The following PPARGC1A variants were observed in gnomAD, a reference collection of about 807,000 sequenced individuals.
PPARGC1A encodes the protein PPARG coactivator 1 alpha.
In PPARGC1A, 25 loss-of-function variants were observed where a neutral mutation model predicts 88.7. The observed-to-expected ratio is 0.28, with a 90% confidence interval of 0.21 to 0.39. The LOEUF is 0.39. Ranked by LOEUF, PPARGC1A falls within the 10% of genes least tolerant of loss-of-function variation. The pLI, the probability that PPARGC1A is intolerant of heterozygous loss-of-function variation, is 1.00. For synonymous variants in PPARGC1A, 363 were observed against 355.6 expected (o/e 1.02, Z -0.24); for missense variants, 880 against 968.7 (o/e 0.91, Z 1.22).
the PPARGC1A span, among the ~76,000 whole-genome samples, chr4:24,027,808 G>T: frequency 6.6e-6 from 1 of 152,078 alleles, no homozygotes; most frequent in African/African-American, 2.4e-5. Flanking sequence ...TGAAGGCTGT[G>T]GATTTTCTCC....
At chr4:24,190,597 T>C in the PPARGC1A span, among the ~76,000 whole-genome samples, 1 of 152,208 alleles carries the variant, frequency 6.6e-6, no homozygotes, top group African/African-American at 2.4e-5. Flanking sequence ...CAGGTTCTAA[T>C]CTTCTCAATG....
the PPARGC1A span, among the ~76,000 whole-genome samples, chr4:23,910,363 ATAT>A: frequency 3.4e-4 from 35 of 103,514 alleles, no homozygotes; most frequent in African/African-American, 1.3e-3. Context: ...TATATTATAT[ATAT>A]TATATTATAT....
chr4:24,393,920 A>G, the PPARGC1A span, among the ~76,000 whole-genome samples: 20 of 152,288 alleles, frequency 1.3e-4, no homozygotes, highest in African/African-American at 2.4e-4. Flanking sequence ...GGAGTTTGAG[A>G]CCAGCCTGGG....
At chr4:24,042,255 C>T in the PPARGC1A span, among the ~76,000 whole-genome samples, 104,858 of 151,956 alleles carry the variant, frequency 0.69, 36,770 homozygotes, top group Non-Finnish European at 0.76. Context: ...ACACTGGTGG[C>T]TTCATAATAT....
chr4:24,372,326 G>C, the PPARGC1A span, among the ~76,000 whole-genome samples: 1 of 152,146 alleles, frequency 6.6e-6, no homozygotes, highest in East Asian at 1.9e-4. Context: ...TTATAAAAAC[G>C]CCCACACCAG....
chr4:24,321,324 C>T, the PPARGC1A span, among the ~76,000 whole-genome samples: 1 of 152,180 alleles, frequency 6.6e-6, no homozygotes, highest in Non-Finnish European at 1.5e-5. Flanking sequence ...GCAACTAACA[C>T]ACCCAAAGGC....
the PPARGC1A span, among the ~76,000 whole-genome samples, chr4:24,301,790 G>T: frequency 6.6e-6 from 1 of 151,838 alleles, no homozygotes; most frequent in Non-Finnish European, 1.5e-5. Flanking sequence ...CCAGTTTCTT[G>T]GTTCTTAGAA....
chr4:23,939,641 C>T, the PPARGC1A span, among the ~76,000 whole-genome samples: 1 of 152,118 alleles, frequency 6.6e-6, no homozygotes, highest in Non-Finnish European at 1.5e-5. Context: ...GAACAGCTAA[C>T]CAAGAAATGC....
the PPARGC1A span, among the ~76,000 whole-genome samples, chr4:24,268,992 A>T: frequency 6.6e-6 from 1 of 152,236 alleles, no homozygotes; most frequent in African/African-American, 2.4e-5. Context: ...AAGTATGTGT[A>T]AATGAACAAG....
At chr4:24,175,174 C>A in the PPARGC1A span, among the ~76,000 whole-genome samples, 2 of 151,934 alleles carry the variant, frequency 1.3e-5, no homozygotes, top group African/African-American at 4.8e-5. Context: ...TAAAATGGAC[C>A]CCAAGGAGCT....
At chr4:24,192,791 A>G in the PPARGC1A span, among the ~76,000 whole-genome samples, 1 of 152,220 alleles carries the variant, frequency 6.6e-6, no homozygotes, top group Admixed American at 6.5e-5. Context: ...ATTTTTATAC[A>G]TACATAATGA....
At chr4:23,818,282 C>G (rs1256357123) in intron 7 of PPARGC1A, among the ~76,000 whole-genome samples, 1 of 152,150 alleles carries the variant, frequency 6.6e-6, no homozygotes, top group Non-Finnish European at 1.5e-5. Context: ...CCATTACAGG[C>G]TGAAGGCTGA....
intron 2 of PPARGC1A, among the ~76,000 whole-genome samples, chr4:23,874,334 C>G (rs1216208204): frequency 6.6e-6 from 1 of 152,176 alleles, no homozygotes; most frequent in African/African-American, 2.4e-5. Flanking sequence ...CTCGCAGAAA[C>G]AGATGTGCAG....
the PPARGC1A span, among the ~76,000 whole-genome samples, chr4:24,261,939 T>C: frequency 6.6e-6 from 1 of 152,244 alleles, no homozygotes; most frequent in Non-Finnish European, 1.5e-5. Context: ...GCTAAAAGCC[T>C]GTTTTGACAA....
the PPARGC1A span, among the ~76,000 whole-genome samples, chr4:24,232,076 GTCTCAA>G: frequency 1.3e-5 from 2 of 152,008 alleles, no homozygotes; most frequent in African/African-American, 4.8e-5. Flanking sequence ...TTTGAAATAT[GTCTCAA>G]TCTGTCTTTT....
At chr4:24,213,316 A>G in the PPARGC1A span, among the ~76,000 whole-genome samples, 43 of 151,650 alleles carry the variant, frequency 2.8e-4, no homozygotes, top group African/African-American at 3.9e-4. Context: ...ACAGGCGCCC[A>G]CCACCCGGCC....
At chr4:24,329,258 CT>C in the PPARGC1A span, among the ~76,000 whole-genome samples, 669 of 144,868 alleles carry the variant, frequency 4.6e-3, 2 homozygotes, top group African/African-American at 6.5e-3. Context: ...TCTCTTTAAG[CT>C]TTTTTTTTTT....
the PPARGC1A span, among the ~76,000 whole-genome samples, chr4:24,275,482 T>C: frequency 2.6e-5 from 4 of 152,312 alleles, no homozygotes; most frequent in South Asian, 8.3e-4. Flanking sequence ...CATAATGTAG[T>C]TGTTATGAAA....
chr4:23,968,414 A>G, the PPARGC1A span, among the ~76,000 whole-genome samples: 1 of 152,014 alleles, frequency 6.6e-6, no homozygotes, highest in Non-Finnish European at 1.5e-5. Flanking sequence ...CACAATGTTA[A>G]TCCCACTGCA....
Sources: gnomAD v4.1 joint callset for allele counts (sites outside exome capture counted in the v4.1 genomes callset) on GRCh38, gnomAD v4.1.1 for gene constraint, MANE v1.5 for transcripts, NCBI Gene and HGNC (gene_info 2026-07-23, HGNC 2026-07-21) for gene names.